DOK6: variants seen among roughly 807,000 people sequenced by gnomAD.
DOK6 encodes the protein docking protein 6.
In DOK6, 22 loss-of-function variants were observed where a neutral mutation model predicts 44.0. The ratio of observed to expected loss-of-function variants is 0.50; its 90% CI spans 0.36 to 0.71. The LOEUF is 0.71. Among genes scored for constraint, DOK6 ranks in the 30% least tolerant of loss-of-function variants. DOK6 has a pLI of 0.00. For synonymous variants in DOK6, 166 were observed against 145.5 expected (o/e 1.14, Z -1.01); for missense variants, 340 against 416.4 (o/e 0.82, Z 1.60).
At chr18:69,444,875 CT>C (rs1979238847) in intron 1 of DOK6, among the ~76,000 whole-genome samples, 2 of 151,902 alleles carry the variant, frequency 1.3e-5, no homozygotes, top group African/African-American at 4.8e-5. Context: ...CAGGTTTTCT[CT>C]TTTTTTAATG....
intron 1 of DOK6, among the ~76,000 whole-genome samples, chr18:69,474,199 A>T (rs887872224): frequency 1.3e-5 from 2 of 150,150 alleles, no homozygotes; most frequent in Non-Finnish European, 3.0e-5. Context: ...TCTCTCACAC[A>T]CTCTCTCTCT....
intron 3 of DOK6, among the ~76,000 whole-genome samples, chr18:69,649,681 G>A (rs1423777554): frequency 6.6e-6 from 1 of 151,996 alleles, no homozygotes; most frequent in African/African-American, 2.4e-5. Flanking sequence ...CCTGATATAA[G>A]GTCAATGCAT....
At chr18:69,550,036 G>A (rs945468714) in intron 1 of DOK6, among the ~76,000 whole-genome samples, 1 of 150,898 alleles carries the variant, frequency 6.6e-6, no homozygotes, top group African/African-American at 2.4e-5. Context: ...AGTTTATAAA[G>A]TGTAATCATC....
intron 3 of DOK6, among the ~76,000 whole-genome samples, chr18:69,624,761 A>G (rs1343173807): frequency 6.6e-6 from 1 of 152,078 alleles, no homozygotes; most frequent in Non-Finnish European, 1.5e-5. Flanking sequence ...TGGCTTTGCA[A>G]TCATTTTATC....
intron 5 of DOK6, 70 bp downstream of exon 5, chr18:69,698,663 AAG>A: frequency 4.1e-6 from 6 of 1,470,318 alleles, no homozygotes; most frequent in East Asian, 2.4e-5. Flanking sequence ...AGAGTCCTGA[AAG>A]AGAGTGCTGT....
intron 3 of DOK6, among the ~76,000 whole-genome samples, chr18:69,654,223 A>C (rs1985305647): frequency 6.6e-6 from 1 of 152,352 alleles, no homozygotes; most frequent in Non-Finnish European, 1.5e-5. Flanking sequence ...GAAAAGTCTA[A>C]CATACTTGTA....
At chr18:69,779,689 C>CGTGTGTGTGTGT (rs58775349) in intron 7 of DOK6, among the ~76,000 whole-genome samples, 3 of 146,768 alleles carry the variant, frequency 2.0e-5, no homozygotes, top group Non-Finnish European at 3.0e-5. Context: ...CTCTCTGCCC[C>CGTGTGTGTGTGT]GTGTGTGTGT....
At chr18:69,669,398 C>T (rs1347432546) in intron 3 of DOK6, among the ~76,000 whole-genome samples, 2 of 152,126 alleles carry the variant, frequency 1.3e-5, no homozygotes, top group African/African-American at 4.8e-5. Context: ...ATACTAGCCT[C>T]CAGCTGCATC....
intron 5 of DOK6, among the ~76,000 whole-genome samples, chr18:69,727,293 C>A (rs544606507): frequency 3.8e-4 from 58 of 152,296 alleles, no homozygotes; most frequent in Admixed American, 5.9e-4. Flanking sequence ...TGGGGGAACA[C>A]AAACATTCAG....
Position 69,540,626 on chromosome 18 carries a change from T to C in DOK6, c.67-23861T>C, listed in dbSNP as rs144907431. On this transcript the variant is annotated intron_variant, in intron 1 of 7. Transcript: ENST00000382713. The stretch of plus-strand genomic sequence containing the variant: ...AGTGTATTTCTCGACGTCTTCACAT[T>C]TATGTGGCCATTGTAAATGAAGTTT... 8.5e-4 allele frequency among the ~76,000 whole-genome samples: 130 copies of C among 152,328 alleles called. No individual in the cohort carries two copies. In the East Asian group the frequency reaches 0.019, roughly 23 times the overall value.
At chr18:69,806,079 C>A (rs997078529) in intron 7 of DOK6, among the ~76,000 whole-genome samples, 3 of 151,722 alleles carry the variant, frequency 2.0e-5, no homozygotes, top group Admixed American at 6.6e-5. Context: ...AAGTTTTAAA[C>A]CGAAATTTTT....
chr18:69,602,086 A>C (rs1983886783), intron 3 of DOK6, among the ~76,000 whole-genome samples: 2 of 152,218 alleles, frequency 1.3e-5, no homozygotes, highest in African/African-American at 4.8e-5. Flanking sequence ...TGCTCTGTCC[A>C]GAGGAGGTGG....
Position 69,544,399 on chromosome 18 carries a change from T to C in DOK6, c.67-20088T>C, listed in dbSNP as rs964429008. ...ACAAGGAATAAAAGGTAATGAGGAA[T>C]GATCAAATTTAGGAAAACGAAGTTA... is the stretch of plus-strand genomic sequence containing the variant. On this transcript the variant is annotated intron_variant, in intron 1 of 7. Coordinates refer to ENST00000382713, the MANE Select transcript of DOK6 (RefSeq NM_152721.6). Among the ~76,000 whole-genome samples, 14 of 151,540 alleles carry C rather than the reference T, an allele frequency of 9.2e-5. 1 individual carries two copies. The highest frequency in any genetic ancestry group is 1.3e-4 in the Admixed American group (2 of 15,202).
intron 1 of DOK6, among the ~76,000 whole-genome samples, chr18:69,533,984 G>A (rs529304564): frequency 6.6e-6 from 1 of 152,194 alleles, no homozygotes; most frequent in African/African-American, 2.4e-5. Context: ...ATGACCTCCA[G>A]TACTTTCAGA....
intron 1 of DOK6, among the ~76,000 whole-genome samples, chr18:69,517,806 A>C (rs1480835275): frequency 1.3e-5 from 2 of 151,374 alleles, no homozygotes; most frequent in Non-Finnish European, 2.9e-5. Flanking sequence ...GGATGTGCGG[A>C]TATCAGTCAT....
chr18:69,427,936 C>G (rs936629031), intron 1 of DOK6, among the ~76,000 whole-genome samples: 10 of 152,044 alleles, frequency 6.6e-5, no homozygotes, highest in African/African-American at 4.8e-5. Flanking sequence ...CACCACCACA[C>G]CCAGCTAATT....
At chr18:69,702,760 C>G (rs1986550364) in intron 5 of DOK6, among the ~76,000 whole-genome samples, 1 of 152,126 alleles carries the variant, frequency 6.6e-6, no homozygotes, top group Non-Finnish European at 1.5e-5. Context: ...CAGAACTTCA[C>G]AGCTCTCTTG....
At chr18:69,560,640 T>A (rs2068821) in intron 1 of DOK6, among the ~76,000 whole-genome samples, 126 of 152,286 alleles carry the variant, frequency 8.3e-4, no homozygotes, top group Middle Eastern at 3.4e-3. Flanking sequence ...AATACCCATA[T>A]TGGTTATAGA....
intron 1 of DOK6, among the ~76,000 whole-genome samples, chr18:69,448,084 G>C (rs1309538087): frequency 6.6e-6 from 1 of 152,190 alleles, no homozygotes; most frequent in African/African-American, 2.4e-5. Flanking sequence ...GAAGGAGTGT[G>C]GTCTGCTGCT....
Sources: allele counts gnomAD v4.1 joint callset (sites outside exome capture counted in the v4.1 genomes callset), GRCh38; gene constraint gnomAD v4.1.1; transcripts MANE v1.5; gene names NCBI Gene and HGNC (gene_info 2026-07-23, HGNC 2026-07-21).